The following ECM2 variants were observed in gnomAD, a reference collection of about 807,000 sequenced individuals.
The protein encoded by ECM2 is extracellular matrix protein 2, female organ and adipocyte specific.
Under a neutral mutation model 67.5 loss-of-function variants are expected in ECM2, and 57 were observed. That is an observed-to-expected ratio of 0.84 (90% CI 0.68 to 1.05). The LOEUF is 1.05. Ranked by LOEUF, ECM2 falls within the 50% of genes least tolerant of loss-of-function variation. The pLI is 0.00. For synonymous variants in ECM2, 258 were observed against 294.5 expected, an observed-to-expected ratio of 0.88 and a Z score of 1.27; for missense variants, 741 against 822.8, an observed-to-expected ratio of 0.90 and a Z score of 1.22.
chr9:92,533,593 C>T (rs913956067), intron 1 of ECM2, among the ~76,000 whole-genome samples: 1 of 151,732 alleles, frequency 6.6e-6, no homozygotes, highest in South Asian at 2.1e-4. Context: ...TCTAGTTATT[C>T]TCAGCAGGTC....
chr9:92,541,282 T>A (rs1330554711), upstream of ECM2, among the ~76,000 whole-genome samples: 1 of 151,650 alleles, frequency 6.6e-6, no homozygotes, highest in Non-Finnish European at 1.5e-5. Context: ...ATAAAAATTA[T>A]CATCTCAAAT....
upstream of ECM2, among the ~76,000 whole-genome samples, chr9:92,540,293 C>T (rs1849286325): frequency 6.6e-6 from 1 of 152,056 alleles, no homozygotes; most frequent in Non-Finnish European, 1.5e-5. Flanking sequence ...AAAAACTTAG[C>T]CAGGCAAGGT....
At chr9:92,498,611 A>C (rs1458273569) in intron 9 of ECM2, among the ~76,000 whole-genome samples, 1 of 152,170 alleles carries the variant, frequency 6.6e-6, no homozygotes, top group Non-Finnish European at 1.5e-5. Flanking sequence ...AAATAAACTA[A>C]ATAACATGTC....
the ECM2 span, among the ~76,000 whole-genome samples, chr9:92,542,126 TTAGATCATCCGG>T: frequency 6.6e-6 from 1 of 152,172 alleles, no homozygotes; most frequent in Admixed American, 6.5e-5. Flanking sequence ...AGTGGGATTG[TTAGATCATCCGG>T]TAGTTCTACT....
At chr9:92,503,336 A>G (rs1846800717) in intron 7 of ECM2, among the ~76,000 whole-genome samples, 1 of 152,174 alleles carries the variant, frequency 6.6e-6, no homozygotes, top group South Asian at 2.1e-4. Context: ...GGGCCTGGAG[A>G]GACAGGGAAG....
At chr9:92,558,030 C>A in the ECM2 span, among the ~76,000 whole-genome samples, 1 of 152,078 alleles carries the variant, frequency 6.6e-6, no homozygotes, top group East Asian at 1.9e-4. Flanking sequence ...TTGAATATTT[C>A]TCCCTTCACT....
intron 2 of ECM2, among the ~76,000 whole-genome samples, chr9:92,518,898 A>G (rs1847893106): frequency 6.6e-6 from 1 of 152,192 alleles, no homozygotes. Flanking sequence ...AAATAAATAA[A>G]TAAACAAATA....
intron 1 of ECM2, among the ~76,000 whole-genome samples, chr9:92,534,194 TTTTA>T (rs1563991991): frequency 6.6e-6 from 1 of 152,226 alleles, no homozygotes; most frequent in African/African-American, 2.4e-5. Context: ...GAGCTCCCCT[TTTTA>T]TTTCCTAGTG....
At chr9:92,550,395 CA>C in the ECM2 span, among the ~76,000 whole-genome samples, 10 of 145,844 alleles carry the variant, frequency 6.9e-5, no homozygotes, top group South Asian at 2.2e-4. Flanking sequence ...GACTCTGTCT[CA>C]AAAAAAAAAA....
chr9:92,534,977 C>T (rs1207716465), intron 1 of ECM2, among the ~76,000 whole-genome samples: 1 of 152,156 alleles, frequency 6.6e-6, no homozygotes, highest in Non-Finnish European at 1.5e-5. Context: ...ATCCTGAAAG[C>T]ACTCACTTAT....
At chr9:92,502,261 A>G (rs1171577498) in intron 8 of ECM2, among the ~76,000 whole-genome samples, 1 of 152,202 alleles carries the variant, frequency 6.6e-6, no homozygotes, top group African/African-American at 2.4e-5. Flanking sequence ...GGTGTCCAGT[A>G]TGCAGTATGG....
At chr9:92,544,267 A>G in the ECM2 span, among the ~76,000 whole-genome samples, 2 of 152,272 alleles carry the variant, frequency 1.3e-5, no homozygotes, top group African/African-American at 2.4e-5. Flanking sequence ...CTTGAGGTCA[A>G]GAGTTCAAGG....
Position 92,495,964 on chromosome 9 carries a change from A to G in ECM2, c.*351T>C. On this transcript the variant is annotated 3_prime_UTR_variant, in exon 10 of 10. Transcript: ENST00000344604. ...CAAAAGATACATAATTTTTAAAGGG[A>G]CTTACAGAGTTCTCAGCTAACACCA... The G allele has an allele frequency of 2.0e-6, 2 of 989,048 alleles. No homozygotes were observed. Among genetic ancestry groups the G allele is most frequent in the Non-Finnish European group, 2.4e-6 (2 of 832,478 alleles). The allele number at this position is 989,048 out of a possible 1,614,324, so 61.3% of individuals were successfully genotyped here.
the ECM2 span, among the ~76,000 whole-genome samples, chr9:92,546,771 A>G: frequency 6.6e-6 from 1 of 152,234 alleles, no homozygotes; most frequent in East Asian, 1.9e-4. Flanking sequence ...AAATTGATAT[A>G]TTTAGATTAC....
rs769980008 is a variant in ECM2 at position 92,500,894 on chromosome 9, C to G, written c.1764G>C (p.Leu588=). The change falls in exon 9 of 10, where the codon CTG becomes CTC. Residue 588 remains leucine (L), a synonymous_variant. Transcript: ENST00000344604. Reference sequence around the variant, plus strand: ...CATCATCAGCAAGTTTGTTAAATGACAGGTACAAGTATTCCAGGCCTGGTT... The same window carrying G: ...CATCATCAGCAAGTTTGTTAAATGAGAGGTACAAGTATTCCAGGCCTGGTT... ...HMEPGLEYLY[L]SFNKLADDGM... 10 of 1,614,036 alleles carry G rather than the reference C, an allele frequency of 6.2e-6. No individual in the cohort carries two copies. The highest frequency in any genetic ancestry group is 8.5e-6 in the Non-Finnish European group (10 of 1,180,044).
Position 92,522,907 on chromosome 9 carries a change from A to G in ECM2, c.-27-14T>C, listed in dbSNP as rs780895392. 5 of 1,554,268 alleles carry G rather than the reference A, an allele frequency of 3.2e-6. No individual in the cohort carries two copies. In the East Asian group the frequency reaches 1.1e-4, roughly 35 times the overall value. On this transcript the variant is annotated splice_polypyrimidine_tract_variant and intron_variant, in intron 1 of 9. Coordinates refer to ENST00000344604, the MANE Select transcript of ECM2 (RefSeq NM_001393.4). ...ACCAGCCAATTTCTAGAATGAAACA[A>G]TATTTCAAAGTTAGTGGTGACTAAA...
Position 92,514,996 on chromosome 9 carries a change from GTCTC to G in ECM2, c.685_688del (p.Glu229ProfsTer64), listed in dbSNP as rs1563979835. 2 of 1,614,042 alleles carry G rather than the reference GTCTC, an allele frequency of 1.2e-6. No homozygotes were observed. Among genetic ancestry groups the G allele is most frequent in the Non-Finnish European group, 1.7e-6 (2 of 1,180,002 alleles). On this transcript the variant is annotated frameshift_variant, in exon 4 of 10. Coordinates refer to ENST00000344604, the MANE Select transcript of ECM2 (RefSeq NM_001393.4). LOFTEE classifies it high-confidence loss of function. ...TTGCCCCTGATTTCTAGATTCAGGG[GTCTC>G]TCTCTTTTGCTCTGTATCTTCTTCT... is the stretch of plus-strand genomic sequence containing the variant.
At chr9:92,518,176 C>G (rs1195736413) in intron 2 of ECM2, among the ~76,000 whole-genome samples, 2 of 152,180 alleles carry the variant, frequency 1.3e-5, no homozygotes, top group African/African-American at 4.8e-5. Flanking sequence ...CATCAACAAA[C>G]AATCCCCAAA....
At chr9:92,538,434 T>C (rs1406415547), upstream of ECM2, among the ~76,000 whole-genome samples, 1 of 152,216 alleles carries the variant, frequency 6.6e-6, no homozygotes. Context: ...ACTATGTTCT[T>C]TTATATTTTT....
Sources: allele counts gnomAD v4.1 joint callset (sites outside exome capture counted in the v4.1 genomes callset), GRCh38; gene constraint gnomAD v4.1.1; transcripts MANE v1.5; gene names NCBI Gene and HGNC (gene_info 2026-07-23, HGNC 2026-07-21).